Variants in RYR2 observed in about 807,000 individuals in gnomAD.
The protein encoded by RYR2 is ryanodine receptor 2.
Under a neutral mutation model 601.1 loss-of-function variants are expected in RYR2, and 227 were observed. The ratio of observed to expected loss-of-function variants is 0.38; its 90% CI spans 0.34 to 0.42. RYR2 has a LOEUF of 0.42. Ranked by LOEUF, RYR2 falls within the 10% of genes least tolerant of loss-of-function variation. The pLI is 1.00. For missense variants in RYR2, 4,646 were observed against 6,156.5 expected (o/e 0.75, Z 8.21); for synonymous variants, 2,223 against 2,175.1 (o/e 1.02, Z -0.61).
chr1:237,805,235 G>A (rs1660483008), intron 98 of RYR2, among the ~76,000 whole-genome samples: 1 of 152,060 alleles, frequency 6.6e-6, no homozygotes, highest in Non-Finnish European at 1.5e-5. Context: ...AACAAATTAA[G>A]TAAAAATAAA....
At chr1:237,590,033 C>A (rs1340351914) in intron 30 of RYR2, 32 bp downstream of exon 30, 3 of 1,576,740 alleles carry the variant, frequency 1.9e-6, no homozygotes, top group Non-Finnish European at 2.6e-6. Context: ...CAGGCCATTT[C>A]TAAAAAGCAG....
intron 71 of RYR2, among the ~76,000 whole-genome samples, chr1:237,714,546 A>G (rs1428514944): frequency 1.3e-5 from 2 of 152,120 alleles, no homozygotes; most frequent in Non-Finnish European, 2.9e-5. Flanking sequence ...AGTCTGTTTG[A>G]TGTCTTTCTT....
At chr1:237,561,245 A>G (rs1671424301) in intron 27 of RYR2, among the ~76,000 whole-genome samples, 1 of 152,188 alleles carries the variant, frequency 6.6e-6, no homozygotes, top group African/African-American at 2.4e-5. Flanking sequence ...AGCAATGAGA[A>G]TAGAGTGGCA....
chr1:237,668,672 A>G (rs1220569914), intron 58 of RYR2, among the ~76,000 whole-genome samples: 2 of 152,218 alleles, frequency 1.3e-5, no homozygotes, highest in Admixed American at 6.5e-5. Context: ...GTATAGTTAC[A>G]GGTGCCAATA....
chr1:237,398,996 C>G (rs116305362), intron 10 of RYR2, among the ~76,000 whole-genome samples: 6,339 of 152,228 alleles, frequency 0.042, 210 homozygotes, highest in Non-Finnish European at 0.069. Flanking sequence ...GAGTTCAAGA[C>G]CAGCCCAACC....
chr1:237,108,914 C>A (rs1669094686), intron 1 of RYR2, among the ~76,000 whole-genome samples: 1 of 152,156 alleles, frequency 6.6e-6, no homozygotes, highest in African/African-American at 2.4e-5. Context: ...TGTGATTAGA[C>A]AAGGAACTGC....
intron 1 of RYR2, among the ~76,000 whole-genome samples, chr1:237,239,518 A>T (rs1685928843): frequency 6.6e-6 from 1 of 152,192 alleles, no homozygotes. Flanking sequence ...TTTATTATGT[A>T]GATGGGTTTT....
chr1:237,348,023 C>A (rs1312490802), intron 3 of RYR2, among the ~76,000 whole-genome samples: 1 of 152,066 alleles, frequency 6.6e-6, no homozygotes, highest in Non-Finnish European at 1.5e-5. Context: ...GAGGAGCCTG[C>A]AAAGTTTATG....
chr1:237,469,393 A>C (rs1045239853), intron 17 of RYR2, among the ~76,000 whole-genome samples: 1 of 151,858 alleles, frequency 6.6e-6, no homozygotes, highest in African/African-American at 2.4e-5. Context: ...TGGTCACTGC[A>C]CTCCAACATG....
chr1:237,301,808 C>A (rs570005942), intron 2 of RYR2, among the ~76,000 whole-genome samples: 2 of 152,200 alleles, frequency 1.3e-5, no homozygotes, highest in African/African-American at 4.8e-5. Flanking sequence ...AGAGTGTTTT[C>A]ACTCTACTGT....
chr1:237,669,511 C>T (rs914909651), intron 58 of RYR2, among the ~76,000 whole-genome samples: 2 of 148,370 alleles, frequency 1.3e-5, no homozygotes, highest in East Asian at 2.1e-4. Flanking sequence ...GGGGGCTGAC[C>T]CCCCCCACCT....
At chr1:237,596,144 G>A (rs1675870793) in intron 34 of RYR2, among the ~76,000 whole-genome samples, 2 of 152,036 alleles carry the variant, frequency 1.3e-5, no homozygotes, top group Admixed American at 1.3e-4. Context: ...ACACGCGAAT[G>A]GAAGGAAACA....
At chr1:237,451,790 T>C (rs1463736878) in intron 14 of RYR2, among the ~76,000 whole-genome samples, 2 of 152,226 alleles carry the variant, frequency 1.3e-5, no homozygotes, top group East Asian at 3.9e-4. Context: ...TTTCAGTTAT[T>C]TTTTTACTAT....
At chr1:237,280,323 C>A (rs1051870862) in intron 2 of RYR2, among the ~76,000 whole-genome samples, 1 of 152,084 alleles carries the variant, frequency 6.6e-6, no homozygotes, top group East Asian at 1.9e-4. Flanking sequence ...TTGACGATTT[C>A]TCTAAAAATT....
At chr1:237,264,891 G>A (rs1474279261) in intron 1 of RYR2, among the ~76,000 whole-genome samples, 1 of 151,424 alleles carries the variant, frequency 6.6e-6, no homozygotes, top group African/African-American at 2.4e-5. Context: ...TAGTAGAGAT[G>A]GGGTTTCACC....
At chr1:237,789,665 G>A (rs912133246) in intron 92 of RYR2, among the ~76,000 whole-genome samples, 1 of 152,230 alleles carries the variant, frequency 6.6e-6, no homozygotes, top group Non-Finnish European at 1.5e-5. Context: ...CTACAGTTGT[G>A]TAAACCAAGT....
intron 11 of RYR2, among the ~76,000 whole-genome samples, chr1:237,421,253 A>G (rs1410891650): frequency 1.3e-5 from 2 of 151,836 alleles, no homozygotes; most frequent in East Asian, 3.9e-4. Context: ...TAAAAATAAT[A>G]GTAATAATAA....
chr1:237,474,056 G>A (rs1029742863), intron 17 of RYR2, among the ~76,000 whole-genome samples: 4 of 151,840 alleles, frequency 2.6e-5, no homozygotes, highest in East Asian at 2.0e-4. Flanking sequence ...AAACACAAAC[G>A]GCAAAGCTGG....
At chr1:237,176,583 T>A (rs867728545) in intron 1 of RYR2, among the ~76,000 whole-genome samples, 131 of 151,870 alleles carry the variant, frequency 8.6e-4, no homozygotes, top group Admixed American at 3.4e-3. Context: ...TTTATTTTTT[T>A]AAAAAACACC....
Sources: gnomAD v4.1 joint callset for allele counts (sites outside exome capture counted in the v4.1 genomes callset) on GRCh38, gnomAD v4.1.1 for gene constraint, MANE v1.5 for transcripts, NCBI Gene and HGNC (gene_info 2026-07-23, HGNC 2026-07-21) for gene names.